FBXL13: variants seen among roughly 807,000 people sequenced by gnomAD.
FBXL13 encodes the protein F-box and leucine-rich repeat protein 13.
In FBXL13, 67 loss-of-function variants were observed where a neutral mutation model predicts 83.6. That is an observed-to-expected ratio of 0.80 (90% CI 0.66 to 0.98). FBXL13 has a LOEUF of 0.98. FBXL13 is among the 50% of genes least tolerant of loss of function. The probability of loss-of-function intolerance (pLI) is 0.00; values close to 1 mark genes in which losing one functional copy is unlikely to be tolerated. For synonymous variants in FBXL13, 272 were observed against 299.5 expected (o/e 0.91, Z 0.95); for missense variants, 822 against 866.5 (o/e 0.95, Z 0.64).
chr7:102,907,907 G>T (rs933500772), intron 11 of FBXL13, among the ~76,000 whole-genome samples: 1 of 152,062 alleles, frequency 6.6e-6, no homozygotes, highest in Non-Finnish European at 1.5e-5. Context: ...TAAAAAGTCA[G>T]GAAATAATAG....
chr7:102,964,496 GGGTTCAAGT>G (rs1434811154), intron 7 of FBXL13, among the ~76,000 whole-genome samples: 1 of 150,498 alleles, frequency 6.6e-6, no homozygotes, highest in Non-Finnish European at 1.5e-5. Flanking sequence ...TCTGCCTCCT[GGGTTCAAGT>G]GATTCTCCTG....
At chr7:103,006,110 G>A (rs1405530711) in intron 6 of FBXL13, among the ~76,000 whole-genome samples, 1 of 152,198 alleles carries the variant, frequency 6.6e-6, no homozygotes, top group Non-Finnish European at 1.5e-5. Context: ...GATAGCCCAG[G>A]TTTACTACTT....
At chr7:102,823,080 C>A (rs1331158006) in intron 18 of FBXL13, among the ~76,000 whole-genome samples, 1 of 151,948 alleles carries the variant, frequency 6.6e-6, no homozygotes. Flanking sequence ...TGCCCACCCC[C>A]CACACAAAAA....
At chr7:102,823,373 TG>T (rs1176532176) in intron 18 of FBXL13, among the ~76,000 whole-genome samples, 1 of 152,126 alleles carries the variant, frequency 6.6e-6, no homozygotes, top group Non-Finnish European at 1.5e-5. Context: ...ACATCACTGA[TG>T]GTTTAGATGT....
At chr7:102,862,913 G>C (rs1431807133) in intron 16 of FBXL13, among the ~76,000 whole-genome samples, 3 of 152,152 alleles carry the variant, frequency 2.0e-5, no homozygotes, top group African/African-American at 4.8e-5. Context: ...CTTGGAACTT[G>C]ACCTTCTCTT....
intron 11 of FBXL13, among the ~76,000 whole-genome samples, chr7:102,911,763 G>A (rs1814722766): frequency 1.3e-5 from 2 of 152,100 alleles, no homozygotes; most frequent in South Asian, 2.1e-4. Context: ...GTAAGAAGCT[G>A]GTCTAAAATT....
intron 8 of FBXL13, chr7:102,939,396 A>G (rs1184076303): frequency 1.9e-6 from 3 of 1,568,972 alleles, no homozygotes; most frequent in Admixed American, 1.8e-5. Flanking sequence ...GGGCAAAAAG[A>G]GCATAATAAC....
At chr7:102,887,531 C>T (rs1810960768) in intron 11 of FBXL13, among the ~76,000 whole-genome samples, 1 of 152,082 alleles carries the variant, frequency 6.6e-6, no homozygotes, top group Non-Finnish European at 1.5e-5. Context: ...ATTGTGGGGG[C>T]TGGCAAATCT....
At chr7:102,958,017 C>T (rs1370219314) in intron 8 of FBXL13, among the ~76,000 whole-genome samples, 1 of 152,080 alleles carries the variant, frequency 6.6e-6, no homozygotes, top group Admixed American at 6.6e-5. Flanking sequence ...ACCATTTGAC[C>T]CAGCAATCCC....
intron 6 of FBXL13, among the ~76,000 whole-genome samples, chr7:103,013,920 C>A (rs1271705402): frequency 6.6e-6 from 1 of 151,642 alleles, no homozygotes; most frequent in Non-Finnish European, 1.5e-5. Flanking sequence ...CAGAGAAGAT[C>A]CAAATAAACA....
At chr7:102,926,448 A>G (rs1563102250) in intron 9 of FBXL13, 74 bp from the exon 11 acceptor site, 1 of 1,156,912 alleles carries the variant, frequency 8.6e-7, no homozygotes, top group South Asian at 1.4e-5. Context: ...TCTTTCTATT[A>G]TCCCTCTTCC....
At chr7:102,952,081 A>C (rs1208568680) in intron 8 of FBXL13, among the ~76,000 whole-genome samples, 1 of 152,182 alleles carries the variant, frequency 6.6e-6, no homozygotes, top group East Asian at 1.9e-4. Context: ...AAGTGAAGTA[A>C]GCCAGGCACA....
chr7:102,911,150 C>T (rs1814600225), intron 11 of FBXL13, among the ~76,000 whole-genome samples: 1 of 152,220 alleles, frequency 6.6e-6, no homozygotes, highest in Non-Finnish European at 1.5e-5. Flanking sequence ...TTCTGTTCCA[C>T]CATCTTGCTT....
chr7:102,922,205 T>A (rs1015257723), intron 10 of FBXL13, among the ~76,000 whole-genome samples: 22 of 149,608 alleles, frequency 1.5e-4, no homozygotes, highest in African/African-American at 4.4e-4. Context: ...AAAAAAAAAA[T>A]TAAATAAATA....
chr7:102,883,351 A>T, exon 14 of FBXL13: 1 of 1,613,582 alleles, frequency 6.2e-7, no homozygotes, highest in Non-Finnish European at 8.5e-7. Flanking sequence ...TTCAAAGGTG[A>T]AAGGGATCTG....
chr7:102,875,290 G>T (rs1563027127), intron 16 of FBXL13, among the ~76,000 whole-genome samples: 1 of 151,776 alleles, frequency 6.6e-6, no homozygotes, highest in Non-Finnish European at 1.5e-5. Context: ...ATTAGGAAAA[G>T]AATCTATGTC....
At chr7:103,046,716 A>G (rs1012705223) in intron 2 of FBXL13, 4 of 152,222 alleles carry the variant, frequency 2.6e-5, no homozygotes, top group African/African-American at 9.6e-5. Context: ...GAGTCTCACA[A>G]TAGTAGATGT....
Position 102,908,936 on chromosome 7 carries a change from C to T in FBXL13, c.1008+4150G>A, listed in dbSNP as rs973993765. On this transcript the variant is annotated intron_variant, in intron 11 of 19. Coordinates refer to ENST00000313221, the Ensembl canonical transcript of FBXL13. ...GTTCACTCAAGGCCCTGGGGCTCTA[C>T]AATCAGCAGGTGGCAAGGCCAGCCA... Among the ~76,000 whole-genome samples, 23 of 152,360 alleles carry T rather than the reference C, an allele frequency of 1.5e-4. No individual in the cohort carries two copies. In the South Asian group the frequency reaches 4.3e-3, roughly 29 times the overall value.
chr7:103,060,023 TATATATATATA>T (rs1797714439), intron 1 of FBXL13, among the ~76,000 whole-genome samples: 4 of 57,194 alleles, frequency 7.0e-5, no homozygotes, highest in African/African-American at 3.2e-4. Flanking sequence ...AGATATTTTA[TATATATATATA>T]TATATATATA....
Sources: allele counts gnomAD v4.1 joint callset (sites outside exome capture counted in the v4.1 genomes callset), GRCh38; gene constraint gnomAD v4.1.1; transcripts MANE v1.5; gene names NCBI Gene and HGNC (gene_info 2026-07-23, HGNC 2026-07-21).